Variants in NDST4 observed in about 807,000 individuals in gnomAD.
NDST4 encodes N-deacetylase and N-sulfotransferase 4.
Under a neutral mutation model 100.8 loss-of-function variants are expected in NDST4, and 63 were observed. That is an observed-to-expected ratio of 0.62 (90% CI 0.51 to 0.77). The LOEUF is 0.77. NDST4 is among the 30% of genes least tolerant of loss of function. NDST4 has a pLI of 0.00. For synonymous variants in NDST4, 377 were observed against 361.8 expected, an observed-to-expected ratio of 1.04 and a Z score of -0.48; for missense variants, 943 against 1,018.4, an observed-to-expected ratio of 0.93 and a Z score of 1.01.
intron 9 of NDST4, 78 bp downstream of exon 9, chr4:114,848,137 C>T: frequency 8.3e-7 from 1 of 1,201,020 alleles, no homozygotes; most frequent in Non-Finnish European, 1.2e-6. Context: ...ATGCAGATGC[C>T]ACACATACAT....
chr4:114,924,990 G>T (rs1725360205), intron 6 of NDST4, among the ~76,000 whole-genome samples: 1 of 151,848 alleles, frequency 6.6e-6, no homozygotes, highest in Non-Finnish European at 1.5e-5. Context: ...CAATAAAAAA[G>T]ATAAAGAAAA....
rs114912607 is a variant in NDST4 at position 114,956,291 on chromosome 4, A to G, written c.1221+14139T>C. Reference sequence around the variant, plus strand: ...AGAGGTTTTGCTCAGGGAGAGAGGCAGGTCTCAAGAAGAGAGATCTGCAAT... The same window carrying G: ...AGAGGTTTTGCTCAGGGAGAGAGGCGGGTCTCAAGAAGAGAGATCTGCAAT... On this transcript the variant is annotated intron_variant, in intron 4 of 13. Transcript: ENST00000264363. 6.0e-3 allele frequency among the ~76,000 whole-genome samples: 911 copies of G among 152,296 alleles called. 4 individuals are homozygous for G. Among genetic ancestry groups the G allele is most frequent in the African/African-American group, 0.018 (759 of 41,566 alleles).
intron 2 of NDST4, among the ~76,000 whole-genome samples, chr4:114,986,833 T>TATATATATATATATATATA (rs397953439): frequency 1.1e-5 from 1 of 92,916 alleles, no homozygotes; most frequent in African/African-American, 4.0e-5. Flanking sequence ...TATATATATA[T>TATATATATATATATATATA]TTTAATATAC....
chr4:114,845,421 T>C (rs1326588231), intron 10 of NDST4, among the ~76,000 whole-genome samples: 1 of 152,196 alleles, frequency 6.6e-6, no homozygotes, highest in Non-Finnish European at 1.5e-5. Flanking sequence ...ACTTTGCTCA[T>C]TTTTCTACTG....
At chr4:115,047,456 C>A (rs1427872711) in intron 2 of NDST4, among the ~76,000 whole-genome samples, 1 of 151,982 alleles carries the variant, frequency 6.6e-6, no homozygotes, top group Non-Finnish European at 1.5e-5. Flanking sequence ...TTTATTATTA[C>A]AAAGTAAGTA....
At chr4:114,953,683 T>C (rs1000767542) in intron 4 of NDST4, among the ~76,000 whole-genome samples, 7 of 152,180 alleles carry the variant, frequency 4.6e-5, no homozygotes, top group African/African-American at 1.7e-4. Context: ...TTTAGGAAGT[T>C]GTTCACTGAA....
At chr4:114,891,612 A>G (rs1463188739) in intron 6 of NDST4, among the ~76,000 whole-genome samples, 1 of 151,844 alleles carries the variant, frequency 6.6e-6, no homozygotes, top group Non-Finnish European at 1.5e-5. Context: ...AGTCTTTTTA[A>G]TATCTCTTTA....
At chr4:114,997,153 C>A (rs1482521666) in intron 2 of NDST4, among the ~76,000 whole-genome samples, 1 of 152,006 alleles carries the variant, frequency 6.6e-6, no homozygotes, top group South Asian at 2.1e-4. Context: ...AACTTCGGAG[C>A]TTTTGCTTAT....
Position 114,833,650 on chromosome 4 carries a change from C to T in NDST4, c.2352G>A (p.Lys784=), listed in dbSNP as rs1560769492. The part of the protein sequence containing the change: ...DPATVMDEVQ[K]FLGVTPRYNY... Reference sequence around the variant, plus strand: ...TATAACGAGGTGTAACTCCCAGAAACTTCTGGACTTCATCCATCACAGTAG... The same window carrying T: ...TATAACGAGGTGTAACTCCCAGAAATTTCTGGACTTCATCCATCACAGTAG... Residue 784 remains lysine (K), a synonymous_variant, in exon 12 of 14, where the codon AAG becomes AAA. Coordinates refer to ENST00000264363, the MANE Select transcript of NDST4 (RefSeq NM_022569.3). The T allele has an allele frequency of 1.9e-5, 31 of 1,613,372 alleles. No homozygotes were observed. The highest frequency in any genetic ancestry group is 2.5e-5 in the Non-Finnish European group (30 of 1,179,660).
At chr4:115,026,991 A>G (rs1728001053) in intron 2 of NDST4, among the ~76,000 whole-genome samples, 1 of 152,128 alleles carries the variant, frequency 6.6e-6, no homozygotes, top group African/African-American at 2.4e-5. Context: ...TCCAGAGTCT[A>G]GTTGCTGTTT....
At chr4:115,109,422 C>T (rs72900685) in intron 1 of NDST4, among the ~76,000 whole-genome samples, 4,426 of 151,852 alleles carry the variant, frequency 0.029, 220 homozygotes, top group African/African-American at 0.1. Flanking sequence ...AGCATGTGGC[C>T]GCACATAAAA....
chr4:114,946,981 A>AT (rs1211119465), intron 4 of NDST4, among the ~76,000 whole-genome samples: 2 of 151,304 alleles, frequency 1.3e-5, no homozygotes, highest in Non-Finnish European at 2.9e-5. Context: ...TTGTTGGTCG[A>AT]TTTTTTTTCA....
intron 6 of NDST4, among the ~76,000 whole-genome samples, chr4:114,895,391 T>C (rs1724692356): frequency 6.6e-6 from 1 of 151,992 alleles, no homozygotes; most frequent in Non-Finnish European, 1.5e-5. Flanking sequence ...CTAGAAGAAA[T>C]GAATACATTC....
chr4:115,035,913 T>A (rs1356010204), intron 2 of NDST4, among the ~76,000 whole-genome samples: 1 of 152,016 alleles, frequency 6.6e-6, no homozygotes, highest in East Asian at 1.9e-4. Flanking sequence ...ATGAAAAATG[T>A]CATTACCAGT....
chr4:115,044,941 T>A (rs1028097113), intron 2 of NDST4, among the ~76,000 whole-genome samples: 2 of 151,920 alleles, frequency 1.3e-5, no homozygotes, highest in Middle Eastern at 3.4e-3. Context: ...CAAGAAGTAT[T>A]ATAATGTTAA....
At chr4:114,886,624 G>T (rs570600905) in intron 6 of NDST4, among the ~76,000 whole-genome samples, 1 of 152,040 alleles carries the variant, frequency 6.6e-6, no homozygotes, top group Non-Finnish European at 1.5e-5. Flanking sequence ...ATTAAAAAAA[G>T]TTCTGTTTAC....
chr4:114,925,244 T>C (rs1385458858), intron 6 of NDST4, among the ~76,000 whole-genome samples: 2 of 152,138 alleles, frequency 1.3e-5, no homozygotes, highest in African/African-American at 4.8e-5. Flanking sequence ...TTGGAGACCT[T>C]GATATCAGTA....
intron 6 of NDST4, among the ~76,000 whole-genome samples, chr4:114,905,634 G>T (rs950574637): frequency 6.6e-6 from 1 of 151,844 alleles, no homozygotes; most frequent in Non-Finnish European, 1.5e-5. Flanking sequence ...CTTACTATGT[G>T]TAAATAAACC....
intron 1 of NDST4, among the ~76,000 whole-genome samples, chr4:115,081,914 A>T (rs774013519): frequency 1.3e-5 from 2 of 152,170 alleles, no homozygotes; most frequent in Admixed American, 1.3e-4. Flanking sequence ...TTTATTAACC[A>T]TCAAACCAAG....
Sources: allele counts gnomAD v4.1 joint callset (sites outside exome capture counted in the v4.1 genomes callset), GRCh38; gene constraint gnomAD v4.1.1; transcripts MANE v1.5; gene names NCBI Gene and HGNC (gene_info 2026-07-23, HGNC 2026-07-21).